The following BAHCC1 variants were observed in gnomAD, a reference collection of about 807,000 sequenced individuals.
The protein encoded by BAHCC1 is BAH and coiled-coil domain-containing protein 1.
A neutral mutation model predicts 88.2 loss-of-function variants in BAHCC1; 43 were observed. The ratio of observed to expected loss-of-function variants is 0.49; its 90% CI spans 0.38 to 0.63. The LOEUF is 0.63. Among genes scored for constraint, BAHCC1 ranks in the 20% least tolerant of loss-of-function variants. The probability of loss-of-function intolerance (pLI) is 0.00; values close to 1 mark genes in which losing one functional copy is unlikely to be tolerated. For missense variants in BAHCC1, 3,023 were observed against 1,654.8 expected (o/e 1.83, Z -14.34); for synonymous variants, 1,510 against 745.5 (o/e 2.03, Z -16.71).
intron 2 of BAHCC1, among the ~76,000 whole-genome samples, chr17:81,424,668 G>A (rs1476389849): frequency 2.6e-5 from 4 of 151,836 alleles, no homozygotes; most frequent in Non-Finnish European, 4.4e-5. Context: ...GTGGTGATGT[G>A]GTTGGGGGCA....
chr17:81,436,469 A>G (rs1555651766), intron 3 of BAHCC1, among the ~76,000 whole-genome samples: 1 of 152,226 alleles, frequency 6.6e-6, no homozygotes, highest in Non-Finnish European at 1.5e-5. Flanking sequence ...AGGAATTTAC[A>G]GACTTCTGTT....
intron 16 of BAHCC1, among the ~76,000 whole-genome samples, chr17:81,456,809 C>T (rs1308278759): frequency 6.6e-6 from 1 of 152,086 alleles, no homozygotes; most frequent in Non-Finnish European, 1.5e-5. Context: ...CTCAGCATGC[C>T]TCACCCCCAT....
intron 17 of BAHCC1, 66 bp downstream of exon 17, chr17:81,457,658 C>G (rs1400851418): frequency 4.4e-5 from 28 of 633,084 alleles, no homozygotes; most frequent in Non-Finnish European, 7.8e-5. Context: ...GCTAGATAAC[C>G]AGGAGGGAGG....
chr17:81,404,755 C>A (rs782294252), intron 2 of BAHCC1, among the ~76,000 whole-genome samples: 2 of 152,162 alleles, frequency 1.3e-5, no homozygotes, highest in Non-Finnish European at 2.9e-5. Flanking sequence ...AATGTGCGAG[C>A]GCTTGGGACA....
In BAHCC1 at chr17:81,447,071, C is replaced by G; in HGVS notation, c.3199C>G (p.Leu1067Val). 1.3e-6 allele frequency: 1 copy of G among 779,416 alleles called. No homozygotes were observed. The allele number at this position is 779,416 out of a possible 1,614,324, so 48.3% of individuals were successfully genotyped here. Reference protein sequence around the residue: ...PPGYLRPMAGLGFSLPSDVHS... With the variant: ...PPGYLRPMAGVGFSLPSDVHS... ...CGGATACCTGCGCCCCATGGCTGGC[C>G]TGGGCTTCTCCCTACCCTCAGACGT... Residue 1067 changes from leucine to valine, a missense_variant, in exon 11 of 28, where the codon CTG (leucine) becomes GTG (valine). Physicochemically the swap from Leu to Val is conservative, Grantham distance 32. Transcript: ENST00000675386.
chr17:81,422,730 C>A, intron 2 of BAHCC1: 1 of 425,496 alleles, frequency 2.4e-6, no homozygotes. Context: ...ACAGGGTTCT[C>A]AGGCCAGGAT....
chr17:81,428,068 T>C (rs2064221099), intron 3 of BAHCC1, among the ~76,000 whole-genome samples: 2 of 152,176 alleles, frequency 1.3e-5, no homozygotes, highest in Admixed American at 6.5e-5. Context: ...AGTGGCCTCT[T>C]CCTGGGTGCA....
chr17:81,462,893 T>A lies in BAHCC1; in HGVS notation c.7537T>A (p.Trp2513Arg). ...CCGCATCGAGAGCATGTGGGAGTCG[T>A]GGGGCAGCAACATGGTGGTCAAGGT... ...IGRIESMWES[W>R]GSNMVVKVKW... Residue 2513 changes from tryptophan to arginine, a missense_variant, in exon 27 of 28, where the codon TGG (tryptophan) becomes AGG (arginine). Coordinates refer to ENST00000675386, the MANE Select transcript of BAHCC1 (RefSeq NM_001377448.1). 1 of 785,896 alleles carries A rather than the reference T, an allele frequency of 1.3e-6. No individual in the cohort carries two copies. The highest frequency in any genetic ancestry group is 2.4e-6 in the Non-Finnish European group (1 of 422,916). The allele number at this position is 785,896 out of a possible 1,614,324, so 48.7% of individuals were successfully genotyped here. A position where few individuals can be genotyped will look rare whatever the true frequency, so the allele number is the denominator to read the frequency against.
chr17:81,404,081 G>A (rs535255004), intron 2 of BAHCC1, among the ~76,000 whole-genome samples: 1 of 152,328 alleles, frequency 6.6e-6, no homozygotes, highest in East Asian at 1.9e-4. Context: ...GTTATTCTTA[G>A]AAATCTTCTC....
intron 2 of BAHCC1, among the ~76,000 whole-genome samples, chr17:81,414,146 C>T (rs1396142534): frequency 1.3e-5 from 2 of 152,254 alleles, no homozygotes; most frequent in African/African-American, 4.8e-5. Flanking sequence ...GCCACCTGCC[C>T]AGGACCAGCC....
At chr17:81,448,937 G>A (rs1414256803) in intron 11 of BAHCC1, among the ~76,000 whole-genome samples, 1 of 152,168 alleles carries the variant, frequency 6.6e-6, no homozygotes, top group African/African-American at 2.4e-5. Context: ...ATAGGGCGAG[G>A]TGGAGGCACC....
chr17:81,459,820 A>T (rs896051609), intron 23 of BAHCC1, among the ~76,000 whole-genome samples: 2 of 151,688 alleles, frequency 1.3e-5, no homozygotes, highest in African/African-American at 2.4e-5. Context: ...CCAAGCAGAG[A>T]GGGCCCAGCA....
intron 2 of BAHCC1, chr17:81,402,327 A>G (rs956083570): frequency 2.6e-5 from 4 of 152,262 alleles, no homozygotes; most frequent in Admixed American, 2.0e-4. Context: ...GTTAAGAGCC[A>G]GAATATTGTA....
At chr17:81,407,899 GC>G (rs1467756034) in intron 2 of BAHCC1, among the ~76,000 whole-genome samples, 3 of 152,200 alleles carry the variant, frequency 2.0e-5, no homozygotes, top group African/African-American at 7.2e-5. Flanking sequence ...CACTCCAGTG[GC>G]CCCTGGGAAA....
At chr17:81,403,913 C>T (rs938467924) in intron 2 of BAHCC1, among the ~76,000 whole-genome samples, 7 of 152,260 alleles carry the variant, frequency 4.6e-5, no homozygotes, top group Non-Finnish European at 7.3e-5. Context: ...CTCGTGCTGC[C>T]ACCACGTCTG....
chr17:81,427,556 G>A (rs930798803), intron 3 of BAHCC1, among the ~76,000 whole-genome samples: 8 of 152,168 alleles, frequency 5.3e-5, no homozygotes, highest in Admixed American at 2.6e-4. Flanking sequence ...GACTCCTGGA[G>A]GCCCCCCTGG....
At chr17:81,460,505 A>G (rs985077033) in intron 24 of BAHCC1, 25 bp from the exon 25 acceptor site, 4 of 735,408 alleles carry the variant, frequency 5.4e-6, no homozygotes, top group East Asian at 2.5e-5. Context: ...ATGGCACTGA[A>G]GCCCTTGGCC....
At chr17:81,417,824 G>A (rs1292496894) in intron 2 of BAHCC1, among the ~76,000 whole-genome samples, 2 of 152,206 alleles carry the variant, frequency 1.3e-5, no homozygotes, top group African/African-American at 2.4e-5. Flanking sequence ...CCCGGGTGAC[G>A]TGCTCCTGTT....
At chr17:81,412,344 C>T (rs1283447330) in intron 2 of BAHCC1, among the ~76,000 whole-genome samples, 1 of 152,196 alleles carries the variant, frequency 6.6e-6, no homozygotes, top group Non-Finnish European at 1.5e-5. Flanking sequence ...AATTGTAATG[C>T]ATTTTTGGGC....
Sources: allele counts gnomAD v4.1 joint callset (sites outside exome capture counted in the v4.1 genomes callset), GRCh38; gene constraint gnomAD v4.1.1; transcripts MANE v1.5; gene names NCBI Gene and HGNC (gene_info 2026-07-23, HGNC 2026-07-21).